Variants in PADI4 observed in about 807,000 individuals in gnomAD.
PADI4 encodes the protein peptidyl arginine deiminase 4.
PADI4 carries 62 observed loss-of-function variants against 75.0 expected under a neutral mutation model. The observed-to-expected ratio is 0.83, with a 90% CI of 0.67 to 1.02. The LOEUF (loss-of-function observed/expected upper bound fraction) is 1.02. Ranked by LOEUF, PADI4 falls within the 50% of genes least tolerant of loss-of-function variation. The pLI is 0.00. For synonymous variants in PADI4, 361 were observed against 348.1 expected (o/e 1.04, Z -0.41); for missense variants, 845 against 850.5 (o/e 0.99, Z 0.08).
intron 1 of PADI4, among the ~76,000 whole-genome samples, chr1:17,329,695 G>A (rs566593659): frequency 7.0e-4 from 106 of 152,214 alleles, no homozygotes; most frequent in Admixed American, 1.6e-3. Flanking sequence ...CTGTTCAAGG[G>A]TCAACTATTT....
At chr1:17,354,167 A>G (rs1570090750) in intron 10 of PADI4, among the ~76,000 whole-genome samples, 1 of 151,890 alleles carries the variant, frequency 6.6e-6, no homozygotes, top group East Asian at 1.9e-4. Flanking sequence ...TATTCCTTGA[A>G]CCAGGGGCGG....
In PADI4 at chr1:17,315,105, C is replaced by T. The variant is rs141784008; in HGVS notation, c.92+6791C>T. ...AGGGGACAGGCAGGGACAGCCATGG[C>T]TTGAGTTTAGCAGATGTAGAATGAC... On this transcript the variant is annotated intron_variant, in intron 1 of 15. Transcript: ENST00000375448. 8.5e-3 allele frequency among the ~76,000 whole-genome samples: 1,291 copies of T among 152,294 alleles called. 22 individuals are homozygous for T. The highest frequency in any genetic ancestry group is 0.03 in the African/African-American group (1,236 of 41,568).
intron 4 of PADI4, 94 bp from the exon 5 acceptor site, chr1:17,337,944 A>T (rs1024450125): frequency 3.0e-5 from 16 of 539,474 alleles, no homozygotes; most frequent in Non-Finnish European, 4.6e-5. Flanking sequence ...AATAAATTTT[A>T]AAAAAGAGGT....
At chr1:17,338,807 G>A (rs2074363499) in intron 5 of PADI4, among the ~76,000 whole-genome samples, 1 of 152,186 alleles carries the variant, frequency 6.6e-6, no homozygotes, top group African/African-American at 2.4e-5. Flanking sequence ...TTATCCACCT[G>A]CGCTGGAGGA....
chr1:17,342,467 C>T, intron 8 of PADI4, 65 bp downstream of exon 8: 2 of 965,588 alleles, frequency 2.1e-6, no homozygotes, highest in Non-Finnish European at 1.6e-6. Flanking sequence ...ATCCGCAGCA[C>T]TCACTGTGTG....
intron 1 of PADI4, among the ~76,000 whole-genome samples, chr1:17,318,848 G>A (rs1216806347): frequency 1.3e-5 from 2 of 151,908 alleles, no homozygotes; most frequent in East Asian, 1.9e-4. Flanking sequence ...ACAACTCCCG[G>A]CTAATTTTTT....
intron 1 of PADI4, among the ~76,000 whole-genome samples, chr1:17,313,890 C>G (rs1161496478): frequency 6.6e-6 from 1 of 152,196 alleles, no homozygotes; most frequent in Non-Finnish European, 1.5e-5. Flanking sequence ...CATGCACACA[C>G]CTGGTGTGAA....
intron 13 of PADI4, 36 bp from the exon 14 acceptor site, chr1:17,358,802 G>A: frequency 1.4e-6 from 2 of 1,452,244 alleles, no homozygotes; most frequent in Middle Eastern, 1.7e-4. Flanking sequence ...CGACCTCTAA[G>A]TTCATTTGCC....
chr1:17,349,064 A>G (rs1013913582), intron 10 of PADI4, among the ~76,000 whole-genome samples: 9 of 152,214 alleles, frequency 5.9e-5, no homozygotes, highest in African/African-American at 2.2e-4. Flanking sequence ...CTCCTGGCCA[A>G]GCTGTGCGCT....
At chr1:17,351,472 T>C (rs2074620052) in intron 10 of PADI4, among the ~76,000 whole-genome samples, 1 of 150,568 alleles carries the variant, frequency 6.6e-6, no homozygotes, top group African/African-American at 2.4e-5. Context: ...AAGCCAGGCA[T>C]GGTGGTGCAT....
chr1:17,310,493 T>C (rs1486986334), intron 1 of PADI4, among the ~76,000 whole-genome samples: 1 of 152,112 alleles, frequency 6.6e-6, no homozygotes, highest in African/African-American at 2.4e-5. Flanking sequence ...GCCCCTCATA[T>C]TCATGCCTCC....
chr1:17,335,000 G>C (rs969173173), intron 3 of PADI4, among the ~76,000 whole-genome samples: 1 of 151,964 alleles, frequency 6.6e-6, no homozygotes, highest in Admixed American at 6.6e-5. Context: ...AAAAACAGCT[G>C]AGCATGGTGG....
Position 17,350,597 on chromosome 1 carries a change from A to G in PADI4, c.1155+2549A>G, listed in dbSNP as rs1397451606. On this transcript the variant is annotated intron_variant, in intron 10 of 15. Transcript: ENST00000375448. ...CCACACAGCCCACTCTTGGGGGGCC[A>G]CTTCTGCAGACTATGGATATGCCTT... is the stretch of plus-strand genomic sequence containing the variant. 1.5e-5 allele frequency among the ~76,000 whole-genome samples: 2 copies of G among 130,906 alleles called. 1 individual carries two copies. Among genetic ancestry groups the G allele is most frequent in the Non-Finnish European group, 3.5e-5 (2 of 57,590 alleles). The allele number at this position is 130,906 out of a possible 152,430, so 85.9% of individuals were successfully genotyped here. A position where few individuals can be genotyped will look rare whatever the true frequency, so the allele number is the denominator to read the frequency against.
chr1:17,339,858 G>A (rs763279934), intron 6 of PADI4, 45 bp downstream of exon 6: 9 of 1,549,470 alleles, frequency 5.8e-6, no homozygotes, highest in Admixed American at 3.8e-5. Flanking sequence ...TGGCCAACGG[G>A]GCACAATCCT....
chr1:17,329,110 A>G (rs1399413849), intron 1 of PADI4, among the ~76,000 whole-genome samples: 5 of 150,464 alleles, frequency 3.3e-5, no homozygotes, highest in Non-Finnish European at 1.5e-5. Flanking sequence ...CTTTATTAAG[A>G]TATTTTTTGT....
At chr1:17,331,268 G>A (rs562775855) in intron 2 of PADI4, 119 bp downstream of exon 2, 2 of 765,590 alleles carry the variant, frequency 2.6e-6, no homozygotes, top group Admixed American at 3.3e-5. Flanking sequence ...CTGTGGAAGA[G>A]CTCGTGATGG....
At chr1:17,351,629 A>G (rs1318937706) in intron 10 of PADI4, among the ~76,000 whole-genome samples, 5 of 149,268 alleles carry the variant, frequency 3.3e-5, no homozygotes, top group Non-Finnish European at 7.4e-5. Context: ...AAAAAAAAAA[A>G]AAAGATTGCG....
intron 11 of PADI4, 144 bp downstream of exon 11, chr1:17,354,831 A>AGGGTGAGGAATGC (rs1553149493): frequency 6.4e-6 from 5 of 783,560 alleles, no homozygotes; most frequent in Non-Finnish European, 9.7e-6. Flanking sequence ...ATCCAAGCGC[A>AGGGTGAGGAATGC]GGGTGAGGAA....
At position 17,339,814 on chromosome 1, in the gene PADI4, G is replaced by T; in HGVS notation, c.652+1G>T. 1 of 1,599,524 alleles carries T rather than the reference G, an allele frequency of 6.3e-7. No individual in the cohort carries two copies. ...AAAGTGAGGGTGTTTCAGGCCACAC[G>T]TAAGTCATCCCCATCTTTGTTCCCC... On this transcript the variant is annotated splice_donor_variant, in intron 6 of 15. Transcript: ENST00000375448. LOFTEE classifies it high-confidence loss of function.
Sources: allele counts gnomAD v4.1 joint callset (sites outside exome capture counted in the v4.1 genomes callset), GRCh38; gene constraint gnomAD v4.1.1; transcripts MANE v1.5; gene names NCBI Gene and HGNC (gene_info 2026-07-23, HGNC 2026-07-21).